Variants in MSRB3 observed in about 807,000 individuals in gnomAD.
MSRB3 encodes methionine-R-sulfoxide reductase B3.
Under a neutral mutation model 21.0 loss-of-function variants are expected in MSRB3, and 13 were observed. The observed-to-expected ratio is 0.62, with a 90% CI of 0.40 to 0.98. The LOEUF (loss-of-function observed/expected upper bound fraction) is 0.98, where lower values mean the gene tolerates loss of function less well. Ranked by LOEUF, MSRB3 falls within the 50% of genes least tolerant of loss-of-function variation. The probability of loss-of-function intolerance (pLI) is 0.00; values close to 1 mark genes in which losing one functional copy is unlikely to be tolerated. For missense variants in MSRB3, 199 were observed against 230.3 expected, an observed-to-expected ratio of 0.86 and a Z score of 0.88; for synonymous variants, 87 against 88.6, an observed-to-expected ratio of 0.98 and a Z score of 0.10.
intron 1 of MSRB3, chr12:65,279,113 G>A (rs1024014349): frequency 1.5e-6 from 2 of 1,377,616 alleles, no homozygotes; most frequent in African/African-American, 3.0e-5. Flanking sequence ...GGAGGCGTCT[G>A]GCAGCCTCAC....
At chr12:65,344,817 G>A (rs535995751) in intron 4 of MSRB3, among the ~76,000 whole-genome samples, 3 of 152,152 alleles carry the variant, frequency 2.0e-5, no homozygotes, top group Non-Finnish European at 2.9e-5. Flanking sequence ...GGGAAAAGTC[G>A]TAGAGCTGTC....
intron 2 of MSRB3, among the ~76,000 whole-genome samples, chr12:65,320,055 AT>A (rs1450019509): frequency 6.6e-6 from 1 of 152,220 alleles, no homozygotes; most frequent in African/African-American, 2.4e-5. Flanking sequence ...TTGCCTTGGC[AT>A]GCTTATAATA....
intron 5 of MSRB3, among the ~76,000 whole-genome samples, chr12:65,392,332 C>A (rs1249755441): frequency 6.6e-6 from 1 of 152,044 alleles, no homozygotes; most frequent in Non-Finnish European, 1.5e-5. Context: ...TTTTTTCTAC[C>A]ATTTTACCTC....
At chr12:65,405,400 T>C (rs969755778) in intron 5 of MSRB3, among the ~76,000 whole-genome samples, 2 of 151,712 alleles carry the variant, frequency 1.3e-5, no homozygotes, top group Non-Finnish European at 2.9e-5. Flanking sequence ...TCTTTCTTTT[T>C]TAAGGCCGAA....
At chr12:65,402,098 C>T (rs569254952) in intron 5 of MSRB3, among the ~76,000 whole-genome samples, 4 of 152,210 alleles carry the variant, frequency 2.6e-5, no homozygotes, top group Non-Finnish European at 4.4e-5. Flanking sequence ...CTTGGGGTTG[C>T]TCTTCTCAAG....
At chr12:65,427,510 T>G (rs1881660887) in intron 5 of MSRB3, among the ~76,000 whole-genome samples, 1 of 152,148 alleles carries the variant, frequency 6.6e-6, no homozygotes, top group Non-Finnish European at 1.5e-5. Context: ...GCTGAGGGGA[T>G]TTCTTTTGGC....
At chr12:65,296,594 C>G (rs1040896156) in intron 1 of MSRB3, among the ~76,000 whole-genome samples, 4 of 152,036 alleles carry the variant, frequency 2.6e-5, no homozygotes, top group Non-Finnish European at 5.9e-5. Context: ...GGATTTGAAC[C>G]CAGTTTGGAC....
intron 1 of MSRB3, among the ~76,000 whole-genome samples, chr12:65,282,412 A>C (rs1872081900): frequency 6.6e-6 from 1 of 152,196 alleles, no homozygotes; most frequent in Admixed American, 6.5e-5. Flanking sequence ...CTTTAAGGGA[A>C]GTACAAAAAA....
chr12:65,346,644 A>T (rs1359484588), intron 4 of MSRB3, among the ~76,000 whole-genome samples: 3 of 152,018 alleles, frequency 2.0e-5, no homozygotes, highest in Non-Finnish European at 4.4e-5. Flanking sequence ...GGTGTTTTAG[A>T]CACGAAGTCC....
chr12:65,377,705 G>A (rs1315020294), intron 5 of MSRB3, among the ~76,000 whole-genome samples: 1 of 152,192 alleles, frequency 6.6e-6, no homozygotes, highest in Non-Finnish European at 1.5e-5. Context: ...ACTAATGATG[G>A]AAGATTTATT....
At chr12:65,290,199 A>G (rs1278820530) in intron 1 of MSRB3, among the ~76,000 whole-genome samples, 1 of 152,132 alleles carries the variant, frequency 6.6e-6, no homozygotes. Flanking sequence ...TGTGTCAGGC[A>G]CTATTCTAAA....
chr12:65,379,999 G>T (rs973938869), intron 5 of MSRB3, among the ~76,000 whole-genome samples: 1 of 152,186 alleles, frequency 6.6e-6, no homozygotes, highest in Admixed American at 6.5e-5. Flanking sequence ...AAAGAGATGA[G>T]ATATATACAT....
chr12:65,455,726 C>T lies in MSRB3; in HGVS notation c.390+1901C>T, dbSNP rs145929138. On this transcript the variant is annotated intron_variant, in intron 6 of 6. Coordinates refer to ENST00000308259, the MANE Select transcript of MSRB3 (RefSeq NM_001031679.3). ...TGATTTTCCAGCAGTTGGCTTAATG[C>T]GATATAGTTTGGGGTTTTTTTTGTT... Among the ~76,000 whole-genome samples, 31 of 152,020 alleles carry T rather than the reference C, an allele frequency of 2.0e-4. No individual in the cohort carries two copies. The East Asian group carries it at 4.1e-3, about 20-fold the overall frequency.
intron 5 of MSRB3, among the ~76,000 whole-genome samples, chr12:65,397,113 T>A (rs185280180): frequency 2.4e-4 from 36 of 152,316 alleles, no homozygotes; most frequent in African/African-American, 7.9e-4. Context: ...GATTGTATAG[T>A]TCCCCTCTTA....
intron 5 of MSRB3, among the ~76,000 whole-genome samples, 169 bp from the exon 6 acceptor site, chr12:65,453,559 T>C (rs1432310905): frequency 1.3e-5 from 2 of 152,252 alleles, no homozygotes; most frequent in African/African-American, 4.8e-5. Context: ...AACTGTACTC[T>C]TGCAAAATAT....
At chr12:65,386,053 T>C (rs1255392685) in intron 5 of MSRB3, among the ~76,000 whole-genome samples, 1 of 151,960 alleles carries the variant, frequency 6.6e-6, no homozygotes, top group African/African-American at 2.4e-5. Context: ...CTCTACTTAC[T>C]TAAAAATCAT....
At chr12:65,336,972 G>C (rs1425645763) in intron 4 of MSRB3, among the ~76,000 whole-genome samples, 3 of 152,276 alleles carry the variant, frequency 2.0e-5, no homozygotes, top group South Asian at 2.1e-4. Context: ...GGCTGGGCGC[G>C]GTGGCTCACG....
intron 5 of MSRB3, among the ~76,000 whole-genome samples, chr12:65,393,438 C>T (rs773227900): frequency 3.0e-4 from 46 of 151,908 alleles, no homozygotes; most frequent in African/African-American, 9.7e-4. Flanking sequence ...TCAAGACCAT[C>T]CTGGCTAACA....
At chr12:65,345,280 A>G (rs1477948637) in intron 4 of MSRB3, among the ~76,000 whole-genome samples, 1 of 152,102 alleles carries the variant, frequency 6.6e-6, no homozygotes, top group Non-Finnish European at 1.5e-5. Flanking sequence ...CATCTACATA[A>G]TGCTAGTCCC....
Sources: allele counts gnomAD v4.1 joint callset (sites outside exome capture counted in the v4.1 genomes callset), GRCh38; gene constraint gnomAD v4.1.1; transcripts MANE v1.5; gene names NCBI Gene and HGNC (gene_info 2026-07-23, HGNC 2026-07-21).